Variants in ATP9A observed in about 807,000 individuals in gnomAD.
ATP9A encodes the protein probable phospholipid-transporting ATPase IIA.
Under a neutral mutation model 144.1 loss-of-function variants are expected in ATP9A, and 52 were observed. The observed-to-expected ratio is 0.36, with a 90% CI of 0.29 to 0.45. ATP9A has a LOEUF of 0.45. Among genes scored for constraint, ATP9A ranks in the 20% least tolerant of loss-of-function variants. The pLI, the probability that ATP9A is intolerant of heterozygous loss-of-function variation, is 1.00. For missense variants in ATP9A, 947 were observed against 1,392.7 expected (o/e 0.68, Z 5.09); for synonymous variants, 582 against 557.4 (o/e 1.04, Z -0.62).
chr20:51,657,545 G>A (rs112779522), intron 13 of ATP9A, among the ~76,000 whole-genome samples: 1 of 152,032 alleles, frequency 6.6e-6, no homozygotes, highest in Non-Finnish European at 1.5e-5. Context: ...CATTATATAG[G>A]GTGTTCAGCA....
At chr20:51,697,312 G>A in intron 5 of ATP9A, 112 bp downstream of exon 5, 1 of 1,021,574 alleles carries the variant, frequency 9.8e-7, no homozygotes, top group Non-Finnish European at 1.4e-6. Flanking sequence ...CCCAGGCAAA[G>A]TTTTTGGATA....
At chr20:51,712,821 C>T (rs2077645356) in intron 4 of ATP9A, 145 bp downstream of exon 4, 2 of 704,814 alleles carry the variant, frequency 2.8e-6, no homozygotes. Context: ...CAGATGGAGG[C>T]CTCCCTGGTG....
chr20:51,682,720 T>A (rs1456289543), intron 9 of ATP9A, among the ~76,000 whole-genome samples: 4 of 148,062 alleles, frequency 2.7e-5, no homozygotes, highest in Non-Finnish European at 6.0e-5. Flanking sequence ...GCCTCCTGAG[T>A]AACTGAGATT....
chr20:51,626,916 G>A (rs1461534897), intron 17 of ATP9A, among the ~76,000 whole-genome samples: 2 of 152,036 alleles, frequency 1.3e-5, no homozygotes, highest in Non-Finnish European at 2.9e-5. Flanking sequence ...AATTAGCCGG[G>A]CATGGTGACG....
intron 1 of ATP9A, among the ~76,000 whole-genome samples, chr20:51,752,060 A>C (rs2077834773): frequency 1.3e-5 from 2 of 151,902 alleles, no homozygotes; most frequent in African/African-American, 2.4e-5. Context: ...CAACAAAAAA[A>C]AAAAAACAAG....
intron 4 of ATP9A, among the ~76,000 whole-genome samples, chr20:51,710,419 G>C (rs1357961162): frequency 3.3e-5 from 5 of 152,138 alleles, no homozygotes; most frequent in African/African-American, 1.2e-4. Flanking sequence ...TGAAGTTTTT[G>C]CTCAAGGAAA....
intron 9 of ATP9A, among the ~76,000 whole-genome samples, chr20:51,679,085 A>T (rs2077489426): frequency 1.3e-5 from 2 of 152,088 alleles, no homozygotes; most frequent in African/African-American, 4.8e-5. Context: ...TCACTTTGGG[A>T]GGCCGAGACA....
intron 9 of ATP9A, among the ~76,000 whole-genome samples, chr20:51,686,838 G>A (rs1436497429): frequency 6.6e-6 from 1 of 152,016 alleles, no homozygotes; most frequent in Non-Finnish European, 1.5e-5. Context: ...GAGAGGCTGA[G>A]GCAGGAGAAT....
chr20:51,625,873 C>T (rs747991432), intron 17 of ATP9A, among the ~76,000 whole-genome samples: 4 of 152,206 alleles, frequency 2.6e-5, no homozygotes, highest in East Asian at 1.9e-4. Context: ...CTAATGGGCC[C>T]GCTTGAAGCA....
chr20:51,619,280 C>A (rs1029717380), intron 19 of ATP9A, among the ~76,000 whole-genome samples: 1 of 152,162 alleles, frequency 6.6e-6, no homozygotes, highest in Non-Finnish European at 1.5e-5. Context: ...AATGCCTGTA[C>A]TGGCCAAGCG....
chr20:51,674,323 G>A lies in ATP9A; in HGVS notation c.877-10C>T, dbSNP rs370760335. 8.2e-5 allele frequency: 133 copies of A among 1,612,138 alleles called. 2 individuals carry two copies. In the South Asian group the frequency reaches 9.8e-4, roughly 12 times the overall value. ...AGTCGAACAGGCCGATCTGTGGGAC[G>A]AAGCACAAACCAGGGCTTGAGATGA... On this transcript the variant is annotated splice_polypyrimidine_tract_variant and intron_variant, in intron 10 of 27. Transcript: ENST00000338821.
intron 15 of ATP9A, among the ~76,000 whole-genome samples, chr20:51,632,167 T>TA (rs2077272586): frequency 6.6e-6 from 1 of 152,160 alleles, no homozygotes; most frequent in Non-Finnish European, 1.5e-5. Flanking sequence ...CCTCCTGGAC[T>TA]CGAGTGACCT....
chr20:51,694,879 G>GA (rs2077563960), intron 6 of ATP9A, among the ~76,000 whole-genome samples: 1 of 151,882 alleles, frequency 6.6e-6, no homozygotes, highest in African/African-American at 2.4e-5. Context: ...GTTTTTTCAA[G>GA]AAAAAAAGAG....
At chr20:51,650,889 A>G (rs920165313) in intron 14 of ATP9A, among the ~76,000 whole-genome samples, 18 of 138,140 alleles carry the variant, frequency 1.3e-4, no homozygotes, top group African/African-American at 3.8e-4. Flanking sequence ...CACACAGGAA[A>G]ATACATCACA....
intron 22 of ATP9A, 99 bp downstream of exon 22, chr20:51,617,391 T>G: frequency 1.1e-6 from 1 of 884,690 alleles, no homozygotes; most frequent in Non-Finnish European, 1.5e-6. Flanking sequence ...TTTATCATTC[T>G]TTATCTGGAA....
intron 8 of ATP9A, 126 bp downstream of exon 8, chr20:51,690,613 C>G (rs1291550466): frequency 2.6e-6 from 2 of 781,746 alleles, no homozygotes; most frequent in East Asian, 4.9e-5. Context: ...CAAGGCGGTG[C>G]CTTCTTTATG....
intron 13 of ATP9A, among the ~76,000 whole-genome samples, chr20:51,658,002 CCT>C (rs1257429556): frequency 1.3e-5 from 2 of 152,198 alleles, no homozygotes; most frequent in Non-Finnish European, 2.9e-5. Flanking sequence ...CAGCTCAGCC[CCT>C]GAAAGGCCAG....
At chr20:51,661,685 A>G (rs1313336532) in intron 13 of ATP9A, among the ~76,000 whole-genome samples, 1 of 151,976 alleles carries the variant, frequency 6.6e-6, no homozygotes, top group African/African-American at 2.4e-5. Flanking sequence ...ATACACTATT[A>G]AAGATAAAGA....
chr20:51,741,221 C>G (rs114301102), intron 1 of ATP9A, among the ~76,000 whole-genome samples: 210 of 152,236 alleles, frequency 1.4e-3, no homozygotes, highest in African/African-American at 4.9e-3. Flanking sequence ...CCTTTCAAGA[C>G]ACCTCCTTCC....
Sources: allele counts gnomAD v4.1 joint callset (sites outside exome capture counted in the v4.1 genomes callset), GRCh38; gene constraint gnomAD v4.1.1; transcripts MANE v1.5; gene names NCBI Gene and HGNC (gene_info 2026-07-23, HGNC 2026-07-21).